SLC4A10: variants seen among roughly 807,000 people sequenced by gnomAD.
The protein encoded by SLC4A10 is solute carrier family 4 member 10.
In SLC4A10, 42 loss-of-function variants were observed where a neutral mutation model predicts 137.7. That is an observed-to-expected ratio of 0.30 (90% confidence interval 0.24 to 0.39). The LOEUF is 0.39. Ranked by LOEUF, SLC4A10 falls within the 10% of genes least tolerant of loss-of-function variation. The probability of loss-of-function intolerance (pLI) is 1.00; values close to 1 mark genes in which losing one functional copy is unlikely to be tolerated. For synonymous variants in SLC4A10, 474 were observed against 464.1 expected (o/e 1.02, Z -0.27); for missense variants, 925 against 1,355.0 (o/e 0.68, Z 4.98).
chr2:161,805,955 G>A (rs565802685), intron 3 of SLC4A10, among the ~76,000 whole-genome samples: 2 of 152,302 alleles, frequency 1.3e-5, no homozygotes, highest in Non-Finnish European at 2.9e-5. Flanking sequence ...GGTTCTCCAT[G>A]AGGGCCCTGC....
At chr2:161,900,344 G>A (rs925749807) in intron 11 of SLC4A10, among the ~76,000 whole-genome samples, 1 of 152,008 alleles carries the variant, frequency 6.6e-6, no homozygotes, top group African/African-American at 2.4e-5. Context: ...AACACCAGCT[G>A]GAATTACACA....
chr2:161,788,353 G>T (rs561687864), intron 2 of SLC4A10, among the ~76,000 whole-genome samples: 2 of 151,872 alleles, frequency 1.3e-5, no homozygotes, highest in Non-Finnish European at 2.9e-5. Flanking sequence ...TTTTTATTTG[G>T]TGGTGCAATT....
In SLC4A10 at chr2:161,950,677, C is replaced by A; in HGVS notation, c.2380-10C>A. 2 of 1,574,070 alleles carry A rather than the reference C, an allele frequency of 1.3e-6. No individual in the cohort carries two copies. Among genetic ancestry groups the A allele is most frequent in the Non-Finnish European group, 1.7e-6 (2 of 1,157,858 alleles). On this transcript the variant is annotated splice_polypyrimidine_tract_variant and intron_variant, in intron 18 of 26. Transcript: ENST00000446997. ...AGTTCATAACTATGCACATTCTTTA[C>A]TTTATACAGCCCACTAGAGATGATC...
chr2:161,770,193 T>C (rs1192537299), intron 1 of SLC4A10, among the ~76,000 whole-genome samples: 2 of 151,918 alleles, frequency 1.3e-5, no homozygotes, highest in Non-Finnish European at 2.9e-5. Context: ...AAGTTGGAAA[T>C]ATAATAGTTT....
chr2:161,690,156 A>G (rs758576362), intron 1 of SLC4A10, among the ~76,000 whole-genome samples: 3 of 152,212 alleles, frequency 2.0e-5, no homozygotes, highest in Non-Finnish European at 4.4e-5. Flanking sequence ...ACACTTCTCA[A>G]AAGAAGACAT....
At chr2:161,863,403 G>A (rs959042339) in intron 6 of SLC4A10, among the ~76,000 whole-genome samples, 1 of 152,174 alleles carries the variant, frequency 6.6e-6, no homozygotes, top group African/African-American at 2.4e-5. Context: ...AAAATGTAAT[G>A]CAGGGCTTTG....
Position 161,943,030 on chromosome 2 carries a change from A to T in SLC4A10, c.2103+133A>T, listed in dbSNP as rs180705077. ...ATAGTTGTGTTTTAATTTTAATTTCATCATTTCAGATGCTCATCAGTAAAC... is the reference window on the plus strand; with the variant it reads ...ATAGTTGTGTTTTAATTTTAATTTCTTCATTTCAGATGCTCATCAGTAAAC... On this transcript the variant is annotated intron_variant, in intron 16 of 26. Transcript: ENST00000446997. 4.6e-6 allele frequency: 3 copies of T among 646,140 alleles called. No homozygotes were observed. In the Admixed American group the frequency reaches 8.0e-5, roughly 17 times the overall value. 40.0% of individuals were successfully genotyped at this position (646,140 alleles called of 1,614,324 possible). A position where few individuals can be genotyped will look rare whatever the true frequency, so the allele number is the denominator to read the frequency against.
chr2:161,765,967 A>T (rs2050758259), intron 1 of SLC4A10, among the ~76,000 whole-genome samples: 1 of 152,110 alleles, frequency 6.6e-6, no homozygotes, highest in Non-Finnish European at 1.5e-5. Context: ...TATTGAAATG[A>T]TCTTTCAAAC....
At chr2:161,948,163 C>T (rs752496872) in intron 17 of SLC4A10, among the ~76,000 whole-genome samples, 6 of 152,042 alleles carry the variant, frequency 3.9e-5, no homozygotes, top group Non-Finnish European at 5.9e-5. Context: ...TAACCCACCA[C>T]GTTTGCATCT....
intron 2 of SLC4A10, among the ~76,000 whole-genome samples, chr2:161,787,642 T>A (rs1206786296): frequency 1.3e-5 from 2 of 152,324 alleles, no homozygotes; most frequent in East Asian, 3.9e-4. Flanking sequence ...TATTTTTGTC[T>A]GACTGGATTA....
chr2:161,777,567 G>A (rs567774187), intron 2 of SLC4A10, among the ~76,000 whole-genome samples: 1 of 151,990 alleles, frequency 6.6e-6, no homozygotes, highest in Non-Finnish European at 1.5e-5. Flanking sequence ...GGCTGGGAAG[G>A]CCTCACAATC....
intron 1 of SLC4A10, among the ~76,000 whole-genome samples, chr2:161,656,632 A>G (rs2105648823): frequency 6.6e-6 from 1 of 152,304 alleles, no homozygotes; most frequent in South Asian, 2.1e-4. Context: ...GAATTGAACA[A>G]TATATTTTTG....
rs747830588 is a variant in SLC4A10, at chr2:161,879,157, T to C, written c.975T>C (p.Ile325=). The change falls in exon 9 of 27, where the codon ATT becomes ATC. Residue 325 remains isoleucine, a synonymous_variant. Transcript: ENST00000446997. ...TTGATCTGCATTTTATGAAAAAGAT[T>C]CCTCCAGGTGCTGAAGCATCGAACA... ...REVDLHFMKK[I]PPGAEASNIL... 1 of 1,613,210 alleles carries C rather than the reference T, an allele frequency of 6.2e-7. No homozygotes were observed. Among genetic ancestry groups the C allele is most frequent in the South Asian group, 1.1e-5 (1 of 90,998 alleles).
At chr2:161,624,686 A>T in intron 1 of SLC4A10, 120 bp downstream of exon 1, 3 of 1,337,262 alleles carry the variant, frequency 2.2e-6, no homozygotes, top group Non-Finnish European at 3.1e-6. Flanking sequence ...CTCCTACGAC[A>T]TATGGACAGG....
At chr2:161,770,256 A>G (rs1346053181) in intron 1 of SLC4A10, among the ~76,000 whole-genome samples, 1 of 151,892 alleles carries the variant, frequency 6.6e-6, no homozygotes, top group Non-Finnish European at 1.5e-5. Context: ...CATTGTCAAA[A>G]TAGATTATAC....
chr2:161,850,702 C>T (rs1390829351), intron 4 of SLC4A10, among the ~76,000 whole-genome samples: 1 of 152,066 alleles, frequency 6.6e-6, no homozygotes, highest in Non-Finnish European at 1.5e-5. Flanking sequence ...TTCTCATCTC[C>T]ATTTTATTCT....
rs563510852 is a variant in SLC4A10 at position 161,732,589 on chromosome 2, C to T, written c.49-38384C>T. Among the ~76,000 whole-genome samples, 3 of 152,310 alleles carry T rather than the reference C, an allele frequency of 2.0e-5. No individual in the cohort carries two copies. The South Asian group carries it at 6.2e-4, about 32-fold the overall frequency. On this transcript the variant is annotated intron_variant, in intron 1 of 26. Coordinates refer to ENST00000446997, the MANE Select transcript of SLC4A10 (RefSeq NM_001178015.2). Reference sequence around the variant, plus strand: ...TATGAGTATGTCTCCCAGAGCAAGGCTATTCAAGTTTGCAGGCTTCCATTG... The same window carrying T: ...TATGAGTATGTCTCCCAGAGCAAGGTTATTCAAGTTTGCAGGCTTCCATTG...
chr2:161,734,750 T>A (rs190651505), intron 1 of SLC4A10, among the ~76,000 whole-genome samples: 378 of 152,284 alleles, frequency 2.5e-3, no homozygotes, highest in African/African-American at 8.5e-3. Context: ...TATATATTTT[T>A]TTTCTGATAT....
intron 1 of SLC4A10, among the ~76,000 whole-genome samples, chr2:161,708,423 C>G (rs929835425): frequency 4.6e-5 from 7 of 151,516 alleles, no homozygotes; most frequent in Non-Finnish European, 1.0e-4. Flanking sequence ...AAATTCAACT[C>G]TCCTTGGCAA....
Sources: allele counts gnomAD v4.1 joint callset (sites outside exome capture counted in the v4.1 genomes callset), GRCh38; gene constraint gnomAD v4.1.1; transcripts MANE v1.5; gene names NCBI Gene and HGNC (gene_info 2026-07-23, HGNC 2026-07-21).